Variants in TRMT11 observed in about 807,000 individuals in gnomAD.
TRMT11 encodes tRNA (guanine(10)-N(2))-methyltransferase TRMT11.
TRMT11 carries 53 observed loss-of-function variants against 62.8 expected under a neutral mutation model. The observed-to-expected ratio is 0.84, with a 90% CI of 0.68 to 1.06. The LOEUF (loss-of-function observed/expected upper bound fraction) is 1.06. Ranked by LOEUF, TRMT11 falls within the 50% of genes least tolerant of loss-of-function variation. The pLI, the probability that TRMT11 is intolerant of heterozygous loss-of-function variation, is 0.00. For missense variants in TRMT11, 556 were observed against 553.4 expected (o/e 1.00, Z -0.05); for synonymous variants, 188 against 190.3 (o/e 0.99, Z 0.10).
At chr6:126,014,954 G>GT (rs1395675850) in intron 11 of TRMT11, among the ~76,000 whole-genome samples, 2 of 151,754 alleles carry the variant, frequency 1.3e-5, no homozygotes, top group African/African-American at 4.8e-5. Context: ...GATAGGTGAG[G>GT]TTTTATTAGT....
intron 17 of TRMT11, among the ~76,000 whole-genome samples, chr6:126,062,795 G>A (rs1268193755): frequency 6.6e-6 from 1 of 152,098 alleles, no homozygotes; most frequent in African/African-American, 2.4e-5. Context: ...GAATGTAAAG[G>A]ACTGAAGCTG....
At chr6:126,151,833 T>TCTTTCTTTC in intron 21 of TRMT11, among the ~76,000 whole-genome samples, 1 of 142,022 alleles carries the variant, frequency 7.0e-6, no homozygotes, top group South Asian at 2.3e-4. Flanking sequence ...TTTCTTTCTT[T>TCTTTCTTTC]CTTTCTTTCT....
At chr6:126,035,854 A>G (rs1396596355) in intron 12 of TRMT11, among the ~76,000 whole-genome samples, 1 of 152,028 alleles carries the variant, frequency 6.6e-6, no homozygotes, top group African/African-American at 2.4e-5. Flanking sequence ...CCCTATTTCT[A>G]TCCCTCTGGT....
the TRMT11 span, among the ~76,000 whole-genome samples, chr6:126,239,590 T>C: frequency 6.6e-6 from 1 of 152,262 alleles, no homozygotes; most frequent in African/African-American, 2.4e-5. Flanking sequence ...GTTAGTCTGA[T>C]GGGCTTCCCT....
At chr6:126,153,615 G>A (rs1055719906) in intron 21 of TRMT11, among the ~76,000 whole-genome samples, 11 of 152,140 alleles carry the variant, frequency 7.2e-5, no homozygotes, top group African/African-American at 1.4e-4. Context: ...TAGAGGTTGC[G>A]CTTTCCTTAT....
chr6:126,142,618 A>G (rs1014490611), intron 21 of TRMT11, among the ~76,000 whole-genome samples: 1 of 152,162 alleles, frequency 6.6e-6, no homozygotes, highest in African/African-American at 2.4e-5. Flanking sequence ...GAATTTTAGT[A>G]GACACATCAA....
chr6:126,018,228 A>C (rs940212659), intron 11 of TRMT11, among the ~76,000 whole-genome samples: 1 of 152,222 alleles, frequency 6.6e-6, no homozygotes. Flanking sequence ...AGTAAGGTGA[A>C]CTTTGCAGTG....
At chr6:126,070,171 TC>T (rs1310714960) in intron 17 of TRMT11, among the ~76,000 whole-genome samples, 6 of 152,188 alleles carry the variant, frequency 3.9e-5, no homozygotes, top group Admixed American at 3.9e-4. Flanking sequence ...GAGGTGTGCT[TC>T]CCATCAGAGA....
chr6:126,159,296 AAATACCTTAGGCTTT>A (rs1418267598), intron 21 of TRMT11, among the ~76,000 whole-genome samples: 1 of 152,144 alleles, frequency 6.6e-6, no homozygotes, highest in Non-Finnish European at 1.5e-5. Flanking sequence ...GGAGGTCTGC[AAATACCTTAGGCTTT>A]AGTGTCATAT....
chr6:126,245,194 C>T, the TRMT11 span, among the ~76,000 whole-genome samples: 30 of 152,188 alleles, frequency 2.0e-4, no homozygotes, highest in African/African-American at 6.0e-4. Context: ...ATTGGGTGGA[C>T]CCATGAATGA....
downstream of TRMT11, among the ~76,000 whole-genome samples, chr6:126,040,752 A>G (rs747400500): frequency 9.2e-5 from 14 of 152,092 alleles, no homozygotes; most frequent in Non-Finnish European, 2.1e-4. Context: ...GACAAAATGT[A>G]TAATTTTGTT....
chr6:126,144,234 T>C (rs575916422), intron 21 of TRMT11, among the ~76,000 whole-genome samples: 1 of 152,308 alleles, frequency 6.6e-6, no homozygotes, highest in African/African-American at 2.4e-5. Context: ...GGTGTTTTCC[T>C]TTTATTTCTA....
intron 21 of TRMT11, among the ~76,000 whole-genome samples, chr6:126,164,691 GTTC>G (rs1412197500): frequency 6.6e-6 from 1 of 152,182 alleles, no homozygotes; most frequent in African/African-American, 2.4e-5. Flanking sequence ...AGGATAGTTA[GTTC>G]TTCTTGTTGC....
the TRMT11 span, among the ~76,000 whole-genome samples, chr6:126,247,227 G>T: frequency 2.6e-3 from 403 of 152,258 alleles, 1 homozygote; most frequent in African/African-American, 9.0e-3. Context: ...ACTGCATGCT[G>T]GCAGAGAGAG....
chr6:126,248,535 C>T, the TRMT11 span, among the ~76,000 whole-genome samples: 4 of 152,026 alleles, frequency 2.6e-5, no homozygotes, highest in Non-Finnish European at 5.9e-5. Context: ...TCAGTGAGTT[C>T]CACACCCTTC....
At chr6:125,995,429 T>A (rs1185326492) in intron 2 of TRMT11, among the ~76,000 whole-genome samples, 1 of 152,168 alleles carries the variant, frequency 6.6e-6, no homozygotes, top group Non-Finnish European at 1.5e-5. Context: ...ACACCCCTGA[T>A]GCACTTGGAG....
intron 17 of TRMT11, among the ~76,000 whole-genome samples, chr6:126,109,970 G>C (rs541565056): frequency 2.0e-5 from 3 of 152,308 alleles, no homozygotes; most frequent in East Asian, 1.9e-4. Flanking sequence ...CAAGGATGGG[G>C]CTAGAAAGCT....
At chr6:126,149,519 T>G (rs1326476917) in intron 21 of TRMT11, among the ~76,000 whole-genome samples, 1 of 152,176 alleles carries the variant, frequency 6.6e-6, no homozygotes, top group Non-Finnish European at 1.5e-5. Context: ...ACAAGAAAAG[T>G]GAAACTCAGT....
chr6:126,152,494 C>A (rs1304560579), intron 21 of TRMT11, among the ~76,000 whole-genome samples: 1 of 152,036 alleles, frequency 6.6e-6, no homozygotes, highest in Non-Finnish European at 1.5e-5. Context: ...GGATTATTAG[C>A]ATTACAAGAA....
Sources: gnomAD v4.1 joint callset for allele counts (sites outside exome capture counted in the v4.1 genomes callset) on GRCh38, gnomAD v4.1.1 for gene constraint, MANE v1.5 for transcripts, NCBI Gene and HGNC (gene_info 2026-07-23, HGNC 2026-07-21) for gene names.